Variants in STK33 observed in about 807,000 individuals in gnomAD.
STK33 encodes serine/threonine kinase 33, also known as serine/threonine-protein kinase 33.
A neutral mutation model predicts 58.0 loss-of-function variants in STK33; 52 were observed. The ratio of observed to expected loss-of-function variants is 0.90; its 90% confidence interval spans 0.72 to 1.13. The LOEUF is 1.13. Among genes scored for constraint, STK33 ranks in the 50% most tolerant of loss-of-function variants. The pLI is 0.00. For missense variants in STK33, 630 were observed against 604.2 expected (o/e 1.04, Z -0.45); for synonymous variants, 215 against 200.1 (o/e 1.07, Z -0.63).
chr11:8,526,484 A>T (rs1164585648), intron 1 of STK33, among the ~76,000 whole-genome samples: 2 of 152,150 alleles, frequency 1.3e-5, no homozygotes, highest in African/African-American at 2.4e-5. Context: ...CGCATATCTT[A>T]TAACTCAAAA....
chr11:8,571,126 T>A lies in STK33; in HGVS notation c.-466+22957A>T, dbSNP rs114878121. ...GAAGCAGTTTCCAGAATGCAGCAAA[T>A]TCCCCAAAAGCCCAGCAGTTTAGCT... On this transcript the variant is annotated intron_variant, in intron 1 of 15. Coordinates refer to ENST00000687296, the MANE Select transcript of STK33 (RefSeq NM_001352389.2). Among the ~76,000 whole-genome samples the A allele has an allele frequency of 6.6e-3, 1,012 of 152,228 alleles. 10 individuals are homozygous for A. Among genetic ancestry groups the A allele is most frequent in the African/African-American group, 0.022 (918 of 41,530 alleles).
At chr11:8,501,122 G>A (rs112710110) in intron 1 of STK33, among the ~76,000 whole-genome samples, 1 of 152,258 alleles carries the variant, frequency 6.6e-6, no homozygotes, top group East Asian at 1.9e-4. Context: ...AAATCTTTGC[G>A]ATGTTAGATT....
chr11:8,495,459 A>G (rs1300410797), intron 1 of STK33, among the ~76,000 whole-genome samples: 25 of 152,310 alleles, frequency 1.6e-4, no homozygotes, highest in Non-Finnish European at 2.9e-5. Context: ...CAGATACTGG[A>G]GAGGATGTGG....
intron 11 of STK33, among the ~76,000 whole-genome samples, chr11:8,448,203 C>T (rs1945765638): frequency 6.6e-6 from 1 of 152,146 alleles, no homozygotes; most frequent in African/African-American, 2.4e-5. Flanking sequence ...AATGGCCATA[C>T]TGTCCAAGGT....
intron 11 of STK33, among the ~76,000 whole-genome samples, chr11:8,449,915 G>A (rs916100986): frequency 3.9e-5 from 6 of 152,204 alleles, no homozygotes; most frequent in Non-Finnish European, 7.3e-5. Context: ...AGATGCTGGA[G>A]AGGATGTGGA....
At chr11:8,548,213 T>G (rs897777115) in intron 1 of STK33, among the ~76,000 whole-genome samples, 1 of 152,122 alleles carries the variant, frequency 6.6e-6, no homozygotes, top group African/African-American at 2.4e-5. Flanking sequence ...ATTTCCCCAA[T>G]GTTTTCCTCT....
chr11:8,419,731 G>A (rs777903470), intron 14 of STK33, among the ~76,000 whole-genome samples: 9 of 151,546 alleles, frequency 5.9e-5, no homozygotes, highest in East Asian at 1.9e-4. Context: ...ATGCTTTTCC[G>A]TTTTTTTTAA....
chr11:8,411,894 C>T (rs374284774), intron 15 of STK33, among the ~76,000 whole-genome samples: 2 of 152,184 alleles, frequency 1.3e-5, no homozygotes, highest in African/African-American at 4.8e-5. Context: ...AATTCCAATT[C>T]TTCTGTTCCC....
At chr11:8,411,508 T>A (rs964478764) in intron 15 of STK33, among the ~76,000 whole-genome samples, 1 of 152,208 alleles carries the variant, frequency 6.6e-6, no homozygotes, top group Non-Finnish European at 1.5e-5. Flanking sequence ...TGTCTGCTAG[T>A]TTTCCAAGAG....
intron 1 of STK33, among the ~76,000 whole-genome samples, chr11:8,491,157 G>A (rs956681142): frequency 1.3e-5 from 2 of 152,174 alleles, no homozygotes; most frequent in Admixed American, 1.3e-4. Flanking sequence ...AGCTAAATGA[G>A]GATGTTTGAA....
Position 8,413,694 on chromosome 11 carries a change from T to C in STK33, c.1147-2A>G. ...TCTCACCGAAGAAAGTTTATTGCCC[T>C]AATATTAACAATCAATTTTTGGTGT... On this transcript the variant is annotated splice_acceptor_variant, in intron 14 of 15. Transcript: ENST00000687296. LOFTEE classifies it high-confidence loss of function. 1.9e-6 allele frequency: 3 copies of C among 1,611,462 alleles called. No individual in the cohort carries two copies. The highest frequency in any genetic ancestry group is 2.5e-6 in the Non-Finnish European group (3 of 1,179,036).
chr11:8,446,550 C>G (rs182700639), intron 11 of STK33, among the ~76,000 whole-genome samples: 1 of 152,248 alleles, frequency 6.6e-6, no homozygotes, highest in Non-Finnish European at 1.5e-5. Flanking sequence ...AGGCATCATA[C>G]TACCTGACTT....
At chr11:8,397,031 T>C (rs1436273397) in intron 15 of STK33, among the ~76,000 whole-genome samples, 3 of 152,176 alleles carry the variant, frequency 2.0e-5, no homozygotes, top group Non-Finnish European at 2.9e-5. Flanking sequence ...ACTCCACCTC[T>C]GGGGGCAGGG....
chr11:8,442,296 A>T (rs1442586904), intron 11 of STK33, among the ~76,000 whole-genome samples: 4 of 152,198 alleles, frequency 2.6e-5, no homozygotes, highest in Admixed American at 2.6e-4. Context: ...TAAATATGGA[A>T]TTTTTAAAGT....
At chr11:8,424,329 T>A (rs1942402348) in intron 14 of STK33, among the ~76,000 whole-genome samples, 1 of 144,984 alleles carries the variant, frequency 6.9e-6, no homozygotes, top group African/African-American at 2.5e-5. Context: ...CATCATTTTT[T>A]ATGGCTGCAT....
intron 14 of STK33, among the ~76,000 whole-genome samples, chr11:8,428,299 G>A (rs1396509715): frequency 6.6e-6 from 1 of 152,206 alleles, no homozygotes; most frequent in Admixed American, 6.5e-5. Context: ...CTTGTGAAGG[G>A]ATATGTAAGC....
chr11:8,397,877 T>C (rs1849646859), intron 15 of STK33, among the ~76,000 whole-genome samples: 1 of 151,850 alleles, frequency 6.6e-6, no homozygotes, highest in Non-Finnish European at 1.5e-5. Flanking sequence ...GAAGACCAAA[T>C]GAATGAAATG....
In STK33 at chr11:8,540,797, T is replaced by C. The variant is rs1034847073; in HGVS notation, c.-466+53286A>G. On this transcript the variant is annotated intron_variant, in intron 1 of 15. Transcript: ENST00000687296. ...CAAAGGATACAAAATACCAGATATG[T>C]AGGGTGAACAAGTTAGAGATAATAC... 3.9e-5 allele frequency among the ~76,000 whole-genome samples: 6 copies of C among 152,208 alleles called. No homozygotes were observed. In the East Asian group the frequency reaches 1.2e-3, roughly 29 times the overall value.
chr11:8,347,565 C>T, the STK33 span, among the ~76,000 whole-genome samples: 4 of 152,164 alleles, frequency 2.6e-5, no homozygotes, highest in Non-Finnish European at 5.9e-5. Context: ...TGACTACAGC[C>T]GAGAGAAACG....
Sources: gnomAD v4.1 joint callset for allele counts (sites outside exome capture counted in the v4.1 genomes callset) on GRCh38, gnomAD v4.1.1 for gene constraint, MANE v1.5 for transcripts, NCBI Gene and HGNC (gene_info 2026-07-23, HGNC 2026-07-21) for gene names.